The following CDH13 variants were observed in gnomAD, a reference collection of about 807,000 sequenced individuals.
CDH13 encodes the protein cadherin 13.
A neutral mutation model predicts 63.8 loss-of-function variants in CDH13; 24 were observed. The observed-to-expected ratio is 0.38, with a 90% CI of 0.27 to 0.53. The LOEUF (loss-of-function observed/expected upper bound fraction) is 0.53. CDH13 is among the 20% of genes least tolerant of loss of function. The pLI, the probability that CDH13 is intolerant of heterozygous loss-of-function variation, is 0.85. For missense variants in CDH13, 1,049 were observed against 903.1 expected (o/e 1.16, Z -2.07); for synonymous variants, 503 against 355.3 (o/e 1.42, Z -4.67).
At chr16:83,053,588 T>G (rs1313175462) in intron 3 of CDH13, among the ~76,000 whole-genome samples, 2 of 152,036 alleles carry the variant, frequency 1.3e-5, no homozygotes, top group Non-Finnish European at 1.5e-5. Context: ...TAGATAGACC[T>G]TGAATGGAAG....
At chr16:83,655,664 C>T (rs544724008) in intron 8 of CDH13, among the ~76,000 whole-genome samples, 39 of 152,248 alleles carry the variant, frequency 2.6e-4, no homozygotes, top group African/African-American at 7.9e-4. Context: ...TGCAGGGCTG[C>T]GAAGACAGAG....
intron 6 of CDH13, among the ~76,000 whole-genome samples, chr16:83,420,787 C>G (rs2071692041): frequency 6.6e-6 from 1 of 152,184 alleles, no homozygotes; most frequent in Non-Finnish European, 1.5e-5. Context: ...ACAATGCAAC[C>G]TTCAGTCTGT....
chr16:83,478,472 T>C (rs969732499), intron 6 of CDH13, among the ~76,000 whole-genome samples: 2 of 152,048 alleles, frequency 1.3e-5, no homozygotes, highest in Non-Finnish European at 2.9e-5. Flanking sequence ...AGCATCTTCA[T>C]CAAAACTCAC....
At chr16:82,906,793 C>T (rs558154656) in intron 2 of CDH13, among the ~76,000 whole-genome samples, 41 of 152,262 alleles carry the variant, frequency 2.7e-4, no homozygotes, top group African/African-American at 9.4e-4. Context: ...TGGCTCCTGG[C>T]AGTCCTTGGC....
intron 2 of CDH13, among the ~76,000 whole-genome samples, chr16:83,011,077 C>G (rs1264217030): frequency 6.6e-6 from 1 of 152,262 alleles, no homozygotes; most frequent in South Asian, 2.1e-4. Flanking sequence ...TCTTCTGTTT[C>G]ATGCTCATGG....
At chr16:83,548,171 C>T (rs1384837922) in intron 7 of CDH13, among the ~76,000 whole-genome samples, 1 of 151,880 alleles carries the variant, frequency 6.6e-6, no homozygotes, top group East Asian at 1.9e-4. Flanking sequence ...GTGGGGGTGC[C>T]AGGGTGGGGA....
At chr16:83,213,415 C>A (rs1235123739) in intron 4 of CDH13, among the ~76,000 whole-genome samples, 1 of 152,088 alleles carries the variant, frequency 6.6e-6, no homozygotes, top group Non-Finnish European at 1.5e-5. Flanking sequence ...CATTCCCCCA[C>A]CCCCTCCTTG....
At chr16:83,060,228 T>C (rs904805245) in intron 3 of CDH13, among the ~76,000 whole-genome samples, 11 of 152,156 alleles carry the variant, frequency 7.2e-5, no homozygotes, top group East Asian at 1.9e-4. Flanking sequence ...ATAAAGCAGA[T>C]GTATTTTGTT....
intron 5 of CDH13, among the ~76,000 whole-genome samples, chr16:83,288,815 T>A (rs951037529): frequency 3.3e-5 from 5 of 152,180 alleles, no homozygotes; most frequent in African/African-American, 1.2e-4. Flanking sequence ...AGGGTCTGAA[T>A]GAAAATTAAT....
At chr16:82,849,456 C>T (rs1052808873) in intron 1 of CDH13, among the ~76,000 whole-genome samples, 1 of 152,242 alleles carries the variant, frequency 6.6e-6, no homozygotes, top group African/African-American at 2.4e-5. Flanking sequence ...GAGCTGAGAT[C>T]ACACCACTGC....
chr16:82,854,825 T>C (rs1567603172), intron 1 of CDH13, among the ~76,000 whole-genome samples: 1 of 152,228 alleles, frequency 6.6e-6, no homozygotes, highest in Admixed American at 6.5e-5. Context: ...ACTTAAATTA[T>C]GATTTGTTAA....
chr16:83,777,623 C>T (rs982155813), intron 11 of CDH13, among the ~76,000 whole-genome samples: 2 of 152,284 alleles, frequency 1.3e-5, no homozygotes, highest in African/African-American at 2.4e-5. Context: ...CCATGACCTG[C>T]GCCAAGGCCA....
At chr16:82,760,791 T>A (rs1211670809) in intron 1 of CDH13, among the ~76,000 whole-genome samples, 2 of 151,890 alleles carry the variant, frequency 1.3e-5, no homozygotes, top group African/African-American at 4.8e-5. Flanking sequence ...AATCATGGTG[T>A]AAGGTGAAGG....
At chr16:82,985,035 T>C (rs746504613) in intron 2 of CDH13, among the ~76,000 whole-genome samples, 15 of 152,192 alleles carry the variant, frequency 9.9e-5, no homozygotes, top group Admixed American at 3.9e-4. Context: ...CAGGACAGCA[T>C]GCATGGATCA....
At chr16:83,502,194 T>TAAGTCAAATATATTGAGATTGGAAG in intron 7 of CDH13, among the ~76,000 whole-genome samples, 1 of 152,282 alleles carries the variant, frequency 6.6e-6, no homozygotes, top group Middle Eastern at 3.4e-3. Flanking sequence ...TAGAAGTGAT[T>TAAGTCAAATATATTGAGATTGGAAG]AAGTCAAATA....
intron 8 of CDH13, among the ~76,000 whole-genome samples, chr16:83,633,557 G>GT (rs1156988407): frequency 1.3e-5 from 2 of 152,078 alleles, no homozygotes; most frequent in African/African-American, 2.4e-5. Flanking sequence ...TCTAATAAGG[G>GT]TTTTTTTCTC....
intron 7 of CDH13, among the ~76,000 whole-genome samples, chr16:83,501,619 G>C (rs1425440261): frequency 6.6e-6 from 1 of 152,182 alleles, no homozygotes; most frequent in East Asian, 1.9e-4. Context: ...CTGTAAGGCT[G>C]AAATTGCCAC....
chr16:83,506,408 C>T (rs1313280119), intron 7 of CDH13, among the ~76,000 whole-genome samples: 1 of 152,188 alleles, frequency 6.6e-6, no homozygotes, highest in African/African-American at 2.4e-5. Context: ...CTGACAGATG[C>T]AGTGCCTTCC....
At chr16:83,752,412 A>C (rs192657122) in intron 11 of CDH13, among the ~76,000 whole-genome samples, 16 of 152,328 alleles carry the variant, frequency 1.1e-4, no homozygotes, top group Admixed American at 6.5e-5. Flanking sequence ...AGAAACAGAC[A>C]CCAAATTTAG....
Sources: gnomAD v4.1 joint callset for allele counts (sites outside exome capture counted in the v4.1 genomes callset) on GRCh38, gnomAD v4.1.1 for gene constraint, MANE v1.5 for transcripts, NCBI Gene and HGNC (gene_info 2026-07-23, HGNC 2026-07-21) for gene names.